KCNH5: variants seen among roughly 807,000 people sequenced by gnomAD.
The protein encoded by KCNH5 is potassium voltage-gated channel subfamily H member 5, also known as voltage-gated delayed rectifier potassium channel KCNH5.
KCNH5 carries 46 observed loss-of-function variants against 96.1 expected under a neutral mutation model. The observed-to-expected ratio is 0.48, with a 90% CI of 0.38 to 0.61. The LOEUF (loss-of-function observed/expected upper bound fraction) is 0.61. Among genes scored for constraint, KCNH5 ranks in the 20% least tolerant of loss-of-function variants. The pLI is 0.00. For missense variants in KCNH5, 907 were observed against 1,225.8 expected (o/e 0.74, Z 3.88); for synonymous variants, 439 against 449.8 (o/e 0.98, Z 0.30).
At chr14:62,861,528 T>G (rs1023348025) in intron 7 of KCNH5, among the ~76,000 whole-genome samples, 2 of 152,066 alleles carry the variant, frequency 1.3e-5, no homozygotes, top group African/African-American at 2.4e-5. Context: ...TATAACATAT[T>G]TCACAAATTA....
intron 1 of KCNH5, among the ~76,000 whole-genome samples, chr14:63,033,045 A>T (rs1166987276): frequency 6.6e-6 from 1 of 152,106 alleles, no homozygotes; most frequent in Non-Finnish European, 1.5e-5. Context: ...CATATCTGAT[A>T]CATCCATTTC....
At chr14:62,726,071 A>G (rs1884918139) in intron 10 of KCNH5, among the ~76,000 whole-genome samples, 1 of 152,192 alleles carries the variant, frequency 6.6e-6, no homozygotes, top group Non-Finnish European at 1.5e-5. Flanking sequence ...TTTAAATATA[A>G]GTACCGGATA....
At chr14:62,845,527 C>T (rs1460254768) in intron 8 of KCNH5, among the ~76,000 whole-genome samples, 1 of 152,136 alleles carries the variant, frequency 6.6e-6, no homozygotes, top group Admixed American at 6.5e-5. Context: ...CTTTTGAGAA[C>T]AGACTATACA....
At chr14:62,794,247 T>G (rs1279489485) in intron 9 of KCNH5, among the ~76,000 whole-genome samples, 1 of 152,030 alleles carries the variant, frequency 6.6e-6, no homozygotes, top group African/African-American at 2.4e-5. Context: ...GCAGTGGTGT[T>G]AGAGAAATCT....
At chr14:62,912,037 C>CAAAAAA (rs1163755853) in intron 7 of KCNH5, among the ~76,000 whole-genome samples, 88 of 79,544 alleles carry the variant, frequency 1.1e-3, no homozygotes, top group Non-Finnish European at 1.3e-3. Flanking sequence ...GACTCCTAAT[C>CAAAAAA]AAAAAAAAAA....
At chr14:62,914,232 T>C (rs926197164) in intron 7 of KCNH5, among the ~76,000 whole-genome samples, 5 of 152,218 alleles carry the variant, frequency 3.3e-5, no homozygotes, top group African/African-American at 1.2e-4. Context: ...TGAGTCATCA[T>C]TTATGTTGGC....
intron 8 of KCNH5, among the ~76,000 whole-genome samples, chr14:62,828,101 C>A (rs749155844): frequency 2.6e-5 from 4 of 151,950 alleles, no homozygotes; most frequent in Non-Finnish European, 4.4e-5. Flanking sequence ...GTTCATTTAT[C>A]TTCTGACCTT....
intron 8 of KCNH5, among the ~76,000 whole-genome samples, chr14:62,844,941 T>C (rs73274779): frequency 0.033 from 4,997 of 152,224 alleles, 294 homozygotes; most frequent in African/African-American, 0.11. Flanking sequence ...GTTTTTTCTC[T>C]AATTAGCTTC....
chr14:62,813,310 T>C (rs972832566), intron 8 of KCNH5, among the ~76,000 whole-genome samples: 9 of 152,176 alleles, frequency 5.9e-5, no homozygotes, highest in Non-Finnish European at 1.0e-4. Flanking sequence ...AGATCTTTAG[T>C]CTTAGTGAAG....
At chr14:62,996,623 T>C (rs963866584) in intron 4 of KCNH5, among the ~76,000 whole-genome samples, 3 of 152,210 alleles carry the variant, frequency 2.0e-5, no homozygotes, top group African/African-American at 7.2e-5. Flanking sequence ...TGCAGATAAA[T>C]GGAGAAGCAT....
At chr14:62,747,063 G>T (rs745961371) in intron 10 of KCNH5, among the ~76,000 whole-genome samples, 1 of 152,240 alleles carries the variant, frequency 6.6e-6, no homozygotes, top group African/African-American at 2.4e-5. Context: ...GCCGGACGCG[G>T]CGGCTCATGC....
chr14:63,035,657 G>A (rs1190124635), intron 1 of KCNH5, among the ~76,000 whole-genome samples: 1 of 152,178 alleles, frequency 6.6e-6, no homozygotes, highest in Non-Finnish European at 1.5e-5. Context: ...ATGGACAGAG[G>A]TGTGTTGTTT....
chr14:62,965,290 G>C (rs541175102), intron 6 of KCNH5, among the ~76,000 whole-genome samples: 2 of 152,226 alleles, frequency 1.3e-5, no homozygotes, highest in East Asian at 3.9e-4. Context: ...AGTCATGGGA[G>C]TGAATCTCTT....
chr14:62,993,727 C>T (rs915853189), intron 4 of KCNH5, among the ~76,000 whole-genome samples: 22 of 152,144 alleles, frequency 1.4e-4, no homozygotes, highest in African/African-American at 5.1e-4. Flanking sequence ...GCCATACTGT[C>T]TAGGTCAGAG....
chr14:62,766,719 T>C (rs1276195007), intron 10 of KCNH5, among the ~76,000 whole-genome samples: 1 of 152,042 alleles, frequency 6.6e-6, no homozygotes, highest in Non-Finnish European at 1.5e-5. Flanking sequence ...TACTTGGGGA[T>C]GGTTAATGGG....
At chr14:62,978,514 G>A (rs1271488025) in intron 6 of KCNH5, among the ~76,000 whole-genome samples, 1 of 151,568 alleles carries the variant, frequency 6.6e-6, no homozygotes, top group Non-Finnish European at 1.5e-5. Flanking sequence ...GTGAACCCGG[G>A]AGGCGGAGCT....
intron 6 of KCNH5, among the ~76,000 whole-genome samples, chr14:62,960,541 C>T (rs4086351): frequency 6.6e-6 from 1 of 152,054 alleles, no homozygotes; most frequent in Non-Finnish European, 1.5e-5. Context: ...CCATATCAGG[C>T]AACTGGATAG....
chr14:62,913,091 G>A (rs1446993164), intron 7 of KCNH5, among the ~76,000 whole-genome samples: 1 of 152,208 alleles, frequency 6.6e-6, no homozygotes, highest in East Asian at 1.9e-4. Context: ...GAGTCAAAAT[G>A]TATGGGGTAA....
At chr14:62,866,927 T>A (rs1211136771) in intron 7 of KCNH5, among the ~76,000 whole-genome samples, 2 of 152,164 alleles carry the variant, frequency 1.3e-5, no homozygotes, top group East Asian at 3.9e-4. Context: ...AACTGAGTAA[T>A]ATTAAGGTTT....
Sources: allele counts gnomAD v4.1 joint callset (sites outside exome capture counted in the v4.1 genomes callset), GRCh38; gene constraint gnomAD v4.1.1; transcripts MANE v1.5; gene names NCBI Gene and HGNC (gene_info 2026-07-23, HGNC 2026-07-21).